The following KIF20B variants were observed in gnomAD, a reference collection of about 807,000 sequenced individuals.
KIF20B encodes kinesin-like protein KIF20B.
Under a neutral mutation model 232.5 loss-of-function variants are expected in KIF20B, and 188 were observed. That is an observed-to-expected ratio of 0.81 (90% confidence interval 0.72 to 0.91). The LOEUF (loss-of-function observed/expected upper bound fraction) is 0.91. Among genes scored for constraint, KIF20B ranks in the 40% least tolerant of loss-of-function variants. KIF20B has a pLI of 0.00. For missense variants in KIF20B, 2,154 were observed against 2,055.9 expected (o/e 1.05, Z -0.92); for synonymous variants, 712 against 683.0 (o/e 1.04, Z -0.66).
In KIF20B at chr10:89,744,181, A is replaced by G. The variant is rs1841863830; in HGVS notation, c.4035+254A>G. On this transcript the variant is annotated intron_variant, in intron 22 of 32. Coordinates refer to ENST00000371728, the MANE Select transcript of KIF20B (RefSeq NM_001284259.2). ...ACTTCATAGTGAAGAAACCTAGCAGATACCACTTTAACCAAGTGTTTAAGA... is the reference window on the plus strand; with the variant it reads ...ACTTCATAGTGAAGAAACCTAGCAGGTACCACTTTAACCAAGTGTTTAAGA... Among the ~76,000 whole-genome samples, 3 of 152,194 alleles carry G rather than the reference A, an allele frequency of 2.0e-5. No individual in the cohort carries two copies. In the South Asian group the frequency reaches 6.2e-4, roughly 31 times the overall value.
At chr10:89,766,477 T>C (rs1312425659) in intron 29 of KIF20B, 1 of 152,074 alleles carries the variant, frequency 6.6e-6, no homozygotes, top group Non-Finnish European at 1.5e-5. Context: ...TACAGAGAAG[T>C]GCTTAAAGGA....
chr10:89,770,578 T>A (rs1842442385), intron 31 of KIF20B, among the ~76,000 whole-genome samples: 1 of 152,048 alleles, frequency 6.6e-6, no homozygotes, highest in Admixed American at 6.6e-5. Context: ...CCTTAACAGC[T>A]TCCCTACCAA....
chr10:89,703,735 GC>G (rs1411075815), intron 1 of KIF20B, among the ~76,000 whole-genome samples: 1 of 149,110 alleles, frequency 6.7e-6, no homozygotes, highest in African/African-American at 2.5e-5. Flanking sequence ...TTTGACTTTG[GC>G]GCCCCAGCAG....
chr10:89,712,945 G>T lies in KIF20B; in HGVS notation c.676-1102G>T, dbSNP rs1276653800. 2.0e-5 allele frequency among the ~76,000 whole-genome samples: 3 copies of T among 152,146 alleles called. No homozygotes were observed. The South Asian group carries it at 6.2e-4, about 32-fold the overall frequency. ...CAGTAAAAAGTGTGTTACCAGTGGA[G>T]TTCAAAGTTGAGTCTGTGACTATGG... is the stretch of plus-strand genomic sequence containing the variant. On this transcript the variant is annotated intron_variant, in intron 6 of 32. Transcript: ENST00000371728.
At chr10:89,727,003 A>T (rs1181338229) in intron 16 of KIF20B, among the ~76,000 whole-genome samples, 1 of 150,210 alleles carries the variant, frequency 6.7e-6, no homozygotes, top group South Asian at 2.1e-4. Context: ...TAGAGATGGG[A>T]TCTTGCTATG....
chr10:89,722,334 T>C (rs1843077731), intron 13 of KIF20B, among the ~76,000 whole-genome samples: 1 of 152,226 alleles, frequency 6.6e-6, no homozygotes, highest in Non-Finnish European at 1.5e-5. Context: ...CAGCAAAAAC[T>C]TTATCAGATG....
intron 21 of KIF20B, among the ~76,000 whole-genome samples, chr10:89,742,676 C>A (rs548539197): frequency 2.0e-5 from 3 of 147,510 alleles, no homozygotes; most frequent in East Asian, 4.0e-4. Context: ...CTCTGAGCTA[C>A]TATAATAAGG....
chr10:89,739,134 A>T (rs1375046882), intron 21 of KIF20B, 38 bp downstream of exon 21: 2 of 1,596,556 alleles, frequency 1.3e-6, no homozygotes, highest in Non-Finnish European at 1.7e-6. Flanking sequence ...AGTTTATGAT[A>T]AAGATTGTTT....
In KIF20B at chr10:89,709,459, A is replaced by C. The variant is rs1038163377; in HGVS notation, c.349A>C (p.Lys117Gln). The C allele has an allele frequency of 1.3e-6, 2 of 1,594,762 alleles. No homozygotes were observed. Among genetic ancestry groups the C allele is most frequent in the Non-Finnish European group, 1.7e-6 (2 of 1,163,742 alleles). Residue 117 changes from lysine to glutamine, a missense_variant and splice_region_variant, in exon 4 of 33, where the codon AAG (lysine) becomes CAG (glutamine). Physicochemically the swap from Lys to Gln is moderately conservative, Grantham distance 53. Transcript: ENST00000371728. ...GATGGCACAGAAATTCAGTTTTTCC[A>C]AGGTAAAACTGAAGTGTTTTTGTTT... ...GQMAQKFSFS[K>Q]VFGPATTQKE...
In KIF20B at chr10:89,732,873, G is replaced by C. The variant is rs770835053; in HGVS notation, c.2392-30G>C. Reference sequence around the variant, plus strand: ...GTACATTTTTTGTAGCTTTCTATATGTGAATTATTTTTAACTTATTTTGCT... The same window carrying C: ...GTACATTTTTTGTAGCTTTCTATATCTGAATTATTTTTAACTTATTTTGCT... On this transcript the variant is annotated intron_variant, in intron 18 of 32. Transcript: ENST00000371728. 5 of 1,485,716 alleles carry C rather than the reference G, an allele frequency of 3.4e-6. No individual in the cohort carries two copies. In the Admixed American group the frequency reaches 1.1e-4, roughly 33 times the overall value. 92.0% of individuals were successfully genotyped at this position (1,485,716 alleles called of 1,614,324 possible).
At chr10:89,727,641 G>A (rs1843218945) in intron 16 of KIF20B, among the ~76,000 whole-genome samples, 1 of 151,886 alleles carries the variant, frequency 6.6e-6, no homozygotes, top group African/African-American at 2.4e-5. Context: ...TTTATCCTGA[G>A]TTTTAGAAGT....
At chr10:89,713,231 C>G (rs914008369) in intron 6 of KIF20B, among the ~76,000 whole-genome samples, 12 of 151,762 alleles carry the variant, frequency 7.9e-5, no homozygotes, top group Non-Finnish European at 1.5e-4. Context: ...CATGGTGACT[C>G]ACACCTGTAG....
chr10:89,729,819 A>C (rs1277491882), intron 18 of KIF20B, among the ~76,000 whole-genome samples: 1 of 152,162 alleles, frequency 6.6e-6, no homozygotes, highest in Non-Finnish European at 1.5e-5. Flanking sequence ...CTTTTAATCC[A>C]TGTCTTTTAA....
Position 89,710,071 on chromosome 10 carries a change from T to G in KIF20B, c.490+6T>G. Reference sequence around the variant, plus strand: ...AAAAACATATACATTTCAAGGTAAATATTGTTTTATTTTGGTTGGAAAGGA... The same window carrying G: ...AAAAACATATACATTTCAAGGTAAAGATTGTTTTATTTTGGTTGGAAAGGA... On this transcript the variant is annotated splice_donor_region_variant and intron_variant, in intron 5 of 32. Coordinates refer to ENST00000371728, the MANE Select transcript of KIF20B (RefSeq NM_001284259.2). 1 of 1,595,110 alleles carries G rather than the reference T, an allele frequency of 6.3e-7. No individual in the cohort carries two copies. Among genetic ancestry groups the G allele is most frequent in the East Asian group, 2.2e-5 (1 of 44,652 alleles).
chr10:89,735,690 AC>A, intron 19 of KIF20B, among the ~76,000 whole-genome samples: 1 of 151,446 alleles, frequency 6.6e-6, no homozygotes, highest in East Asian at 1.9e-4. Flanking sequence ...GGCGCCCACC[AC>A]CACACCCATC....
intron 5 of KIF20B, 67 bp from the exon 6 acceptor site, chr10:89,710,894 A>G (rs1166808850): frequency 3.1e-6 from 4 of 1,306,222 alleles, no homozygotes; most frequent in Non-Finnish European, 4.2e-6. Flanking sequence ...AGGAGCTTTA[A>G]TAAACAAGTA....
rs779238742 is a variant in KIF20B at position 89,717,531 on chromosome 10, A to G, written c.1124+36A>G. ...TATTCTTTAAATTTAATTATTTGTA[A>G]TTGTTTTGAAGAACTTTTAAAGTAC... On this transcript the variant is annotated intron_variant, in intron 10 of 32. Coordinates refer to ENST00000371728, the MANE Select transcript of KIF20B (RefSeq NM_001284259.2). 11 of 1,585,254 alleles carry G rather than the reference A, an allele frequency of 6.9e-6. No individual in the cohort carries two copies. The Admixed American group carries it at 1.9e-4, about 27-fold the overall frequency.
intron 23 of KIF20B, among the ~76,000 whole-genome samples, chr10:89,748,649 A>G (rs1264565429): frequency 6.6e-6 from 1 of 151,978 alleles, no homozygotes; most frequent in Non-Finnish European, 1.5e-5. Flanking sequence ...AACATCTCCT[A>G]TTTCATAGGA....
intron 19 of KIF20B, 64 bp from the exon 20 acceptor site, chr10:89,737,323 A>C: frequency 7.3e-7 from 1 of 1,378,262 alleles, no homozygotes; most frequent in Non-Finnish European, 9.5e-7. Context: ...ATATTGGCTT[A>C]TATGGTGACT....
Sources: gnomAD v4.1 joint callset for allele counts (sites outside exome capture counted in the v4.1 genomes callset) on GRCh38, gnomAD v4.1.1 for gene constraint, MANE v1.5 for transcripts, NCBI Gene and HGNC (gene_info 2026-07-23, HGNC 2026-07-21) for gene names.